Variants in AIM2 observed in about 807,000 individuals in gnomAD.
AIM2 encodes interferon-inducible protein AIM2.
AIM2 carries 30 observed loss-of-function variants against 27.7 expected under a neutral mutation model. The observed-to-expected ratio is 1.08, with a 90% confidence interval of 0.81 to 1.47. AIM2 has a LOEUF of 1.47. Among genes scored for constraint, AIM2 ranks in the 40% most tolerant of loss-of-function variants. The probability of loss-of-function intolerance (pLI) is 0.00; values close to 1 mark genes in which losing one functional copy is unlikely to be tolerated. For synonymous variants in AIM2, 141 were observed against 145.3 expected (o/e 0.97, Z 0.21); for missense variants, 358 against 411.3 (o/e 0.87, Z 1.12).
At chr1:159,118,850 GT>G (rs5778108) in intron 1 of AIM2, among the ~76,000 whole-genome samples, 21,711 of 151,010 alleles carry the variant, frequency 0.14, 2,147 homozygotes, top group South Asian at 0.5. Context: ...TGGTGTTTGT[GT>G]TTTTTTTTCC....
Position 159,131,215 on chromosome 1 carries a change from G to A in AIM2, c.-16+9216C>T, listed in dbSNP as rs117541095. 1.3e-3 allele frequency among the ~76,000 whole-genome samples: 203 copies of A among 152,194 alleles called. 1 individual carries two copies. The East Asian group carries it at 0.035, about 26-fold the overall frequency. On this transcript the variant is annotated intron_variant, in intron 1 of 2. Transcript: ENST00000368129. ...CATCTCCAGTGCCTCTCAAAGTTCCGGACCCACAGCAGGCACTTCATAAAG... is the reference window on the plus strand; with the variant it reads ...CATCTCCAGTGCCTCTCAAAGTTCCAGACCCACAGCAGGCACTTCATAAAG...
chr1:159,145,031 A>G (rs545891867), upstream of AIM2, among the ~76,000 whole-genome samples: 43 of 152,284 alleles, frequency 2.8e-4, no homozygotes, highest in African/African-American at 9.6e-4. Context: ...AACTTCTAGA[A>G]GTGTTACCAT....
upstream of AIM2, chr1:159,140,518 C>T (rs562111926): frequency 6.6e-6 from 1 of 152,314 alleles, no homozygotes; most frequent in East Asian, 1.9e-4. Context: ...ACAGCTGTGT[C>T]CTCTGGTCGC....
upstream of AIM2, among the ~76,000 whole-genome samples, chr1:159,143,740 TA>T (rs1049941105): frequency 6.6e-6 from 1 of 152,152 alleles, no homozygotes; most frequent in African/African-American, 2.4e-5. Flanking sequence ...ACAACCTGAA[TA>T]AAGAGTCCCA....
intron 1 of AIM2, among the ~76,000 whole-genome samples, chr1:159,104,693 G>A (rs569408228): frequency 3.3e-4 from 50 of 152,234 alleles, no homozygotes; most frequent in Middle Eastern, 3.4e-3. Flanking sequence ...GACTTCGTTC[G>A]TCTCTTTTTA....
the AIM2 span, among the ~76,000 whole-genome samples, chr1:159,055,530 A>G: frequency 6.6e-6 from 1 of 152,196 alleles, no homozygotes; most frequent in East Asian, 1.9e-4. Flanking sequence ...TGTTAGAGGA[A>G]TATCTGGGCC....
chr1:159,096,102 CT>C (rs1657175776), intron 1 of AIM2, among the ~76,000 whole-genome samples: 2 of 152,196 alleles, frequency 1.3e-5, no homozygotes, highest in African/African-American at 4.8e-5. Context: ...GACAAGGGTG[CT>C]GGTTCCTGAT....
chr1:159,132,257 A>T (rs888787309), intron 1 of AIM2: 3 of 151,438 alleles, frequency 2.0e-5, no homozygotes, highest in Non-Finnish European at 2.9e-5. Context: ...AATCCCAGCT[A>T]CTCAGGAGGC....
chr1:159,060,742 A>C (rs970156174), downstream of AIM2, among the ~76,000 whole-genome samples: 9 of 152,190 alleles, frequency 5.9e-5, no homozygotes, highest in African/African-American at 2.2e-4. Flanking sequence ...TTTATTGCAG[A>C]GTACAATTCA....
intron 2 of AIM2, among the ~76,000 whole-genome samples, chr1:159,070,465 C>A: frequency 6.6e-6 from 1 of 152,172 alleles, no homozygotes. Flanking sequence ...GAAAAGCCAA[C>A]TCCTACTCCT....
chr1:159,091,165 T>C (rs1402434067), intron 1 of AIM2, among the ~76,000 whole-genome samples: 1 of 152,206 alleles, frequency 6.6e-6, no homozygotes, highest in African/African-American at 2.4e-5. Flanking sequence ...TACAAATAAC[T>C]TTAAACATTA....
intron 1 of AIM2, among the ~76,000 whole-genome samples, chr1:159,092,077 G>GA (rs1657059083): frequency 6.6e-6 from 1 of 152,026 alleles, no homozygotes; most frequent in Admixed American, 6.5e-5. Context: ...AAAAATTATT[G>GA]AAAAAAGAGG....
At chr1:159,128,587 C>A (rs1270599962) in intron 1 of AIM2, among the ~76,000 whole-genome samples, 1 of 152,144 alleles carries the variant, frequency 6.6e-6, no homozygotes, top group Non-Finnish European at 1.5e-5. Flanking sequence ...CCATGGAAAG[C>A]CACTTGCCAG....
At chr1:159,115,527 C>T (rs1005294919) in intron 1 of AIM2, among the ~76,000 whole-genome samples, 1 of 152,240 alleles carries the variant, frequency 6.6e-6, no homozygotes, top group African/African-American at 2.4e-5. Flanking sequence ...AGGAATAATG[C>T]CGCATATCCA....
chr1:159,081,421 T>C, upstream of AIM2: 1 of 387,670 alleles, frequency 2.6e-6, no homozygotes, highest in Non-Finnish European at 5.2e-6. Flanking sequence ...GAAATAATGC[T>C]TGTCAGGAGA....
intron 2 of AIM2, among the ~76,000 whole-genome samples, chr1:159,071,193 A>G (rs1570943846): frequency 6.6e-6 from 1 of 152,248 alleles, no homozygotes; most frequent in East Asian, 1.9e-4. Context: ...TCTACTAATT[A>G]TTGCCTCTGT....
rs1163330726 is a variant in AIM2, at chr1:159,063,493, G to A, written c.998C>T (p.Thr333Ile). The change falls in exon 5 of 6, where the codon ACC (threonine) becomes ATC (isoleucine). Residue 333 changes from threonine to isoleucine, a missense_variant. Thr to Ile is a moderately conservative substitution (Grantham distance 89, BLOSUM62 -1). Coordinates refer to ENST00000368130, the MANE Select transcript of AIM2 (RefSeq NM_004833.3). ...GTTCCATGCAGTTCCCACCTTTATG[G>A]TGCTATGAACTCCAGATGTCAGCTG... ...KLQLTSGVHS[T>I]IKVIKAKKKT The A allele has an allele frequency of 2.5e-6, 4 of 1,612,618 alleles. No homozygotes were observed. The highest frequency in any genetic ancestry group is 3.4e-6 in the Non-Finnish European group (4 of 1,179,538).
chr1:159,114,521 A>T (rs1446733965), intron 1 of AIM2, among the ~76,000 whole-genome samples: 5 of 152,202 alleles, frequency 3.3e-5, no homozygotes, highest in Non-Finnish European at 7.3e-5. Flanking sequence ...GTTTGAGACC[A>T]GCCTGGCCAC....
upstream of AIM2, among the ~76,000 whole-genome samples, chr1:159,079,518 C>G (rs1206209296): frequency 6.6e-6 from 1 of 151,054 alleles, no homozygotes; most frequent in African/African-American, 2.4e-5. Flanking sequence ...AAAAGCATGT[C>G]ACTTTGCATT....
Sources: gnomAD v4.1 joint callset for allele counts (sites outside exome capture counted in the v4.1 genomes callset) on GRCh38, gnomAD v4.1.1 for gene constraint, MANE v1.5 for transcripts, NCBI Gene and HGNC (gene_info 2026-07-23, HGNC 2026-07-21) for gene names.